The following CSNK2A2IP variants were observed in gnomAD, a reference collection of about 807,000 sequenced individuals.
CSNK2A2IP encodes the protein casein kinase 2 subunit alpha' interacting protein.
the CSNK2A2IP span, among the ~76,000 whole-genome samples, chr3:88,383,519 AG>A: frequency 3.3e-5 from 5 of 152,150 alleles, no homozygotes; most frequent in Non-Finnish European, 7.4e-5. Flanking sequence ...ATGGATACCC[AG>A]GGAGCCACTT....
At chr3:88,401,015 G>GAGTT in the CSNK2A2IP span, among the ~76,000 whole-genome samples, 1 of 152,064 alleles carries the variant, frequency 6.6e-6, no homozygotes, top group African/African-American at 2.4e-5. Context: ...TAAATAGGTT[G>GAGTT]AGTTAGGTTA....
At chr3:88,425,230 T>C in the CSNK2A2IP span, among the ~76,000 whole-genome samples, 5 of 152,128 alleles carry the variant, frequency 3.3e-5, no homozygotes, top group Admixed American at 1.3e-4. Flanking sequence ...GGTTGACTTA[T>C]ATTTGAAAAT....
At chr3:88,449,772 T>C in the CSNK2A2IP span, among the ~76,000 whole-genome samples, 1 of 132,148 alleles carries the variant, frequency 7.6e-6, no homozygotes. Flanking sequence ...TTCACGATTG[T>C]GAAGAGAAAA....
chr3:88,355,976 T>C, the CSNK2A2IP span, among the ~76,000 whole-genome samples: 2 of 152,170 alleles, frequency 1.3e-5, no homozygotes, highest in African/African-American at 2.4e-5. Context: ...TATATTGTAG[T>C]TGTACATACG....
the CSNK2A2IP span, among the ~76,000 whole-genome samples, chr3:88,463,410 G>T: frequency 1.6e-4 from 24 of 152,062 alleles, no homozygotes; most frequent in African/African-American, 5.3e-4. Context: ...ATCACTTTAG[G>T]CCAGCTACAA....
chr3:88,361,282 C>A, the CSNK2A2IP span, among the ~76,000 whole-genome samples: 1 of 152,150 alleles, frequency 6.6e-6, no homozygotes, highest in Admixed American at 6.5e-5. Context: ...TTTAGCATTT[C>A]TTGTAAGATA....
chr3:88,342,356 G>T, the CSNK2A2IP span, among the ~76,000 whole-genome samples: 1 of 151,938 alleles, frequency 6.6e-6, no homozygotes, highest in Non-Finnish European at 1.5e-5. Context: ...CTGAGTTTTG[G>T]CCAGTGAAAT....
At chr3:88,445,881 C>T in the CSNK2A2IP span, among the ~76,000 whole-genome samples, 780 of 151,760 alleles carry the variant, frequency 5.1e-3, 4 homozygotes, top group Middle Eastern at 0.01. Context: ...TTAATGGTTT[C>T]TTTCTTTCTT....
the CSNK2A2IP span, among the ~76,000 whole-genome samples, chr3:88,348,169 T>C: frequency 6.9e-6 from 1 of 144,418 alleles, no homozygotes; most frequent in African/African-American, 2.5e-5. Context: ...TTTGACCATG[T>C]AGTTTCTGTA....
At chr3:88,360,686 A>G in the CSNK2A2IP span, among the ~76,000 whole-genome samples, 8 of 152,124 alleles carry the variant, frequency 5.3e-5, no homozygotes, top group Non-Finnish European at 5.9e-5. Flanking sequence ...AATGTTATTA[A>G]TAATAGGCAA....
the CSNK2A2IP span, among the ~76,000 whole-genome samples, chr3:88,378,654 T>C: frequency 6.6e-6 from 1 of 152,034 alleles, no homozygotes. Flanking sequence ...AATGAATACA[T>C]TGGTATTGCT....
chr3:88,416,700 C>T, the CSNK2A2IP span, among the ~76,000 whole-genome samples: 1 of 152,142 alleles, frequency 6.6e-6, no homozygotes, highest in Admixed American at 6.5e-5. Context: ...GAATGATGCT[C>T]AGTTCAAGAC....
chr3:88,417,365 T>C, the CSNK2A2IP span, among the ~76,000 whole-genome samples: 3 of 152,148 alleles, frequency 2.0e-5, no homozygotes, highest in Admixed American at 2.0e-4. Context: ...AGGGCAGGCA[T>C]TTTAAAACCC....
At chr3:88,421,732 A>T in the CSNK2A2IP span, among the ~76,000 whole-genome samples, 1 of 152,184 alleles carries the variant, frequency 6.6e-6, no homozygotes, top group Non-Finnish European at 1.5e-5. Context: ...GTATTTTAAA[A>T]TTATTTTTAT....
the CSNK2A2IP span, among the ~76,000 whole-genome samples, chr3:88,449,662 C>T: frequency 6.8e-6 from 1 of 147,028 alleles, no homozygotes; most frequent in Non-Finnish European, 1.5e-5. Flanking sequence ...GGTTCTTTTC[C>T]ATCAAACAAT....
chr3:88,350,583 C>A, the CSNK2A2IP span, among the ~76,000 whole-genome samples: 27,485 of 128,244 alleles, frequency 0.21, 2,631 homozygotes, highest in East Asian at 0.24. Flanking sequence ...AACAAATACA[C>A]TAAATTCAAA....
the CSNK2A2IP span, among the ~76,000 whole-genome samples, chr3:88,411,399 A>G: frequency 3.3e-5 from 5 of 151,078 alleles, no homozygotes; most frequent in Admixed American, 1.3e-4. Context: ...CTATCTATCT[A>G]TCTATCCATC....
the CSNK2A2IP span, among the ~76,000 whole-genome samples, chr3:88,437,305 A>G: frequency 6.6e-5 from 10 of 152,210 alleles, no homozygotes; most frequent in Non-Finnish European, 1.5e-4. Context: ...CTAAGAATTT[A>G]TCTTACTGGA....
At chr3:88,459,044 C>A in the CSNK2A2IP span, among the ~76,000 whole-genome samples, 8 of 152,004 alleles carry the variant, frequency 5.3e-5, no homozygotes, top group African/African-American at 1.9e-4. Flanking sequence ...CTGCTTATTC[C>A]TATTTATTAA....
Sources: allele counts gnomAD v4.1 joint callset (sites outside exome capture counted in the v4.1 genomes callset), GRCh38; gene constraint gnomAD v4.1.1; transcripts MANE v1.5; gene names NCBI Gene and HGNC (gene_info 2026-07-23, HGNC 2026-07-21).